The following COL6A3 variants were observed in gnomAD, a reference collection of about 807,000 sequenced individuals.
The protein encoded by COL6A3 is collagen type VI alpha 3 chain.
COL6A3 carries 137 observed loss-of-function variants against 274.1 expected under a neutral mutation model. That is an observed-to-expected ratio of 0.50 (90% CI 0.44 to 0.58). The LOEUF is 0.58. COL6A3 is among the 20% of genes least tolerant of loss of function. COL6A3 has a pLI of 0.00. For synonymous variants in COL6A3, 1,650 were observed against 1,650.6 expected, an observed-to-expected ratio of 1.00 and a Z score of 0.01; for missense variants, 3,950 against 4,124.9, an observed-to-expected ratio of 0.96 and a Z score of 1.16.
intron 42 of COL6A3, among the ~76,000 whole-genome samples, chr2:237,330,647 C>T (rs565126435): frequency 1.3e-5 from 2 of 152,262 alleles, no homozygotes; most frequent in African/African-American, 4.8e-5. Context: ...CGAGAGTCTC[C>T]CTGCCACATA....
rs770907851 is a variant in COL6A3, at chr2:237,361,819, C to T, written c.6076G>A (p.Glu2026Lys). The T allele has an allele frequency of 1.1e-5, 18 of 1,614,138 alleles. No individual in the cohort carries two copies. The highest frequency in any genetic ancestry group is 2.2e-5 in the East Asian group (1 of 44,872). The change falls in exon 15 of 44, where the codon GAG (glutamate) becomes AAG (lysine). Residue 2026 changes from glutamate (E) to lysine (K), a missense_variant. Around this residue, in one of 5 missense-constraint regions of COL6A3, gnomAD observed 632 missense variants for 623.4 expected, o/e 1.01. Coordinates refer to ENST00000295550, the MANE Select transcript of COL6A3 (RefSeq NM_004369.4). The surrounding 1 kb of genome is among the most constrained non-coding windows in gnomAD (Gnocchi z 5.1). ...ELAEQLDNIAEKACCGVPCKC... is the reference protein window; with the variant it reads ...ELAEQLDNIAKKACCGVPCKC... ...CAGGGAACCCCACAGCAAGCTTTCT[C>T]GGCAATGTTGTCCTACCGAAAGGAA... is the stretch of plus-strand genomic sequence containing the variant.
intron 7 of COL6A3, among the ~76,000 whole-genome samples, chr2:237,375,418 C>G (rs149719974): frequency 3.9e-5 from 6 of 152,226 alleles, no homozygotes. Flanking sequence ...TCCCTTAGAA[C>G]CTGCAGAAAG....
At chr2:237,399,390 GAGCATGTGGT>G (rs1162258452) in intron 1 of COL6A3, among the ~76,000 whole-genome samples, 1 of 152,174 alleles carries the variant, frequency 6.6e-6, no homozygotes, top group African/African-American at 2.4e-5. Context: ...CCTCTGTGAG[GAGCATGTGGT>G]AGCCTGTTTG....
At chr2:237,386,884 A>G (rs1441446329) in intron 4 of COL6A3, among the ~76,000 whole-genome samples, 1 of 152,124 alleles carries the variant, frequency 6.6e-6, no homozygotes, top group Non-Finnish European at 1.5e-5. Flanking sequence ...TGTTAAGTGC[A>G]TATTTGTTAT....
intron 43 of COL6A3, among the ~76,000 whole-genome samples, chr2:237,325,233 T>A (rs1699879186): frequency 6.6e-6 from 1 of 152,182 alleles, no homozygotes; most frequent in Non-Finnish European, 1.5e-5. Context: ...GATAAATTTG[T>A]GGGGGTTGTT....
At chr2:237,366,660 G>A (rs369923474) in intron 11 of COL6A3, 27 bp downstream of exon 11, 26 of 1,614,030 alleles carry the variant, frequency 1.6e-5, no homozygotes, top group Non-Finnish European at 2.1e-5. Flanking sequence ...AGGAAAGGAT[G>A]GAAAATATGC....
chr2:237,335,578 C>T (rs1700496605), intron 40 of COL6A3, among the ~76,000 whole-genome samples: 1 of 152,194 alleles, frequency 6.6e-6, no homozygotes, highest in Admixed American at 6.5e-5. Context: ...TCTGACTTTT[C>T]AAGCTGCTGG....
At position 237,336,237 on chromosome 2, in the gene COL6A3, G is replaced by C; in HGVS notation, c.8863C>G (p.Pro2955Ala). The change falls in exon 40 of 44, where the codon CCC (proline) becomes GCC (alanine). Residue 2955 changes from proline (P) to alanine (A), a missense_variant. Coordinates refer to ENST00000295550, the MANE Select transcript of COL6A3 (RefSeq NM_004369.4). ...VAAKPAAVRP[P>A]AAAAAKPVAT... is the part of the protein sequence containing the mutation. ...ACTGGTTTTGCAGCAGCAGCAGCGGGGGGTCTTACAGCTGCTGGCTTTGCT... is the reference window on the plus strand; with the variant it reads ...ACTGGTTTTGCAGCAGCAGCAGCGGCGGGTCTTACAGCTGCTGGCTTTGCT... 1 of 1,614,008 alleles carries C rather than the reference G, an allele frequency of 6.2e-7. No homozygotes were observed. The highest frequency in any genetic ancestry group is 8.5e-7 in the Non-Finnish European group (1 of 1,179,960).
intron 3 of COL6A3, among the ~76,000 whole-genome samples, chr2:237,390,952 T>C (rs1040258166): frequency 5.3e-5 from 8 of 152,168 alleles, no homozygotes; most frequent in African/African-American, 1.9e-4. Context: ...TAGAGATTGA[T>C]TATTTGAGTA....
chr2:237,390,658 C>A (rs1450182397), intron 3 of COL6A3, among the ~76,000 whole-genome samples: 2 of 152,240 alleles, frequency 1.3e-5, no homozygotes, highest in Non-Finnish European at 2.9e-5. Context: ...TCCCTGGAAG[C>A]TCTTTTCCCG....
Position 237,374,342 on chromosome 2 carries a change from T to C in COL6A3, c.3679+70A>G, listed in dbSNP as rs2077773203. Reference sequence around the variant, plus strand: ...GAAAAGCAAAATTGAGAACACCTTGTGGCCCACAGTCCAGACAAGTAGCCC... The same window carrying C: ...GAAAAGCAAAATTGAGAACACCTTGCGGCCCACAGTCCAGACAAGTAGCCC... On this transcript the variant is annotated intron_variant, in intron 8 of 43. Coordinates refer to ENST00000295550, the MANE Select transcript of COL6A3 (RefSeq NM_004369.4). The surrounding 1 kb of genome is among the most constrained non-coding windows in gnomAD (Gnocchi z 4.8). 14 of 1,595,536 alleles carry C rather than the reference T, an allele frequency of 8.8e-6. No individual in the cohort carries two copies. The highest frequency in any genetic ancestry group is 1.1e-5 in the South Asian group (1 of 90,162).
chr2:237,389,203 C>T (rs2078228367), intron 3 of COL6A3, among the ~76,000 whole-genome samples: 1 of 152,142 alleles, frequency 6.6e-6, no homozygotes, highest in African/African-American at 2.4e-5. Context: ...TATATAGCAG[C>T]CCTGAGGGAG....
Position 237,336,228 on chromosome 2 carries a change from C to T in COL6A3, c.8872G>A (p.Ala2958Thr), listed in dbSNP as rs1335450469. Residue 2958 changes from alanine to threonine, a missense_variant, in exon 40 of 44, where the codon GCT (alanine) becomes ACT (threonine). Physicochemically the swap from Ala to Thr is moderately conservative, Grantham distance 58. Around this residue, in one of 5 missense-constraint regions of COL6A3, gnomAD observed 1,284 missense variants for 1,349.7 expected, o/e 0.95. Transcript: ENST00000295550. ...KPAAVRPPAA[A>T]AAKPVATKPE... ...TTGGTCGCCACTGGTTTTGCAGCAG[C>T]AGCAGCGGGGGGTCTTACAGCTGCT... 6.2e-7 allele frequency: 1 copy of T among 1,614,010 alleles called. No individual in the cohort carries two copies.
chr2:237,376,981 T>G lies in COL6A3; in HGVS notation c.2861A>C (p.Asp954Ala). 6.2e-7 allele frequency: 1 copy of G among 1,614,128 alleles called. No individual in the cohort carries two copies. The part of the protein sequence containing the change: ...LVLLVAGRSS[D>A]RVDGPASNLK... Reference sequence around the variant, plus strand: ...GTTACTTGCTGGCCCATCCACACGGTCAGATGACCTTCCTGCGACCAGCAG... The same window carrying G: ...GTTACTTGCTGGCCCATCCACACGGGCAGATGACCTTCCTGCGACCAGCAG... Residue 954 changes from aspartate to alanine, a missense_variant, in exon 7 of 44, where the codon GAC (aspartate) becomes GCC (alanine). Around this residue, in one of 5 missense-constraint regions of COL6A3, gnomAD observed 1,934 missense variants for 1,984.3 expected, o/e 0.97. Coordinates refer to ENST00000295550, the MANE Select transcript of COL6A3 (RefSeq NM_004369.4).
chr2:237,376,548 A>G (rs1185645469), intron 7 of COL6A3, among the ~76,000 whole-genome samples: 5 of 152,228 alleles, frequency 3.3e-5, no homozygotes, highest in Non-Finnish European at 7.3e-5. Flanking sequence ...TAATGCCCTT[A>G]AAAATACTCA....
chr2:237,377,051 A>G lies in COL6A3; in HGVS notation c.2791T>C (p.Ser931Pro). 2 of 1,614,176 alleles carry G rather than the reference A, an allele frequency of 1.2e-6. No individual in the cohort carries two copies. The highest frequency in any genetic ancestry group is 1.6e-4 in the Middle Eastern group (1 of 6,062). ...CCATCCTCGATCCGGCTGCCAGCAG[A>G]CTTCACAAAAATGTACCTCTGTGCA... is the stretch of plus-strand genomic sequence containing the variant. ...DYAQRYIFVKSAGSRIEDGVL... is the reference protein window; with the variant it reads ...DYAQRYIFVKPAGSRIEDGVL... Residue 931 changes from serine to proline, a missense_variant, in exon 7 of 44, where the codon TCT (serine) becomes CCT (proline). This residue lies in a region of COL6A3 where 1,934 missense variants were observed against 1,984.3 expected (regional missense o/e 0.97). Transcript: ENST00000295550.
Position 237,371,952 on chromosome 2 carries a change from C to G in COL6A3, c.4065G>C (p.Pro1355=), listed in dbSNP as rs766856187. The change falls in exon 9 of 44, where the codon CCG becomes CCC. Residue 1355 remains proline (P), a synonymous_variant. Transcript: ENST00000295550. This position sits in a 1 kb window ranked among gnomAD's most constrained non-coding sequence, Gnocchi z 4.3. ...CGCCAAACTGCTTGAGCTCCACCGCCGGGTCGTCCACCTCATCGTCAGACT... is the reference window on the plus strand; with the variant it reads ...CGCCAAACTGCTTGAGCTCCACCGCGGGGTCGTCCACCTCATCGTCAGACT... ...SGKSDDEVDD[P]AVELKQFGVA... 3 of 1,614,114 alleles carry G rather than the reference C, an allele frequency of 1.9e-6. No homozygotes were observed. The South Asian group carries it at 3.3e-5, about 18-fold the overall frequency.
intron 27 of COL6A3, among the ~76,000 whole-genome samples, chr2:237,350,908 C>T (rs752982100): frequency 4.6e-5 from 7 of 152,206 alleles, no homozygotes; most frequent in Non-Finnish European, 1.0e-4. Context: ...AGCCAGCCCT[C>T]TGAGCAGAGA....
rs2078747762 is a variant in COL6A3 at position 237,407,387 on chromosome 2, G to T, written c.-31+6566C>A. On this transcript the variant is annotated intron_variant, in intron 1 of 43. Coordinates refer to ENST00000295550, the MANE Select transcript of COL6A3 (RefSeq NM_004369.4). This position sits in a 1 kb window ranked among gnomAD's most constrained non-coding sequence, Gnocchi z 4.3. ...TACGGGGGTCCTTGTTAGATATGGA[G>T]TAGCGGATTCGAGATCTTCAACTCT... Among the ~76,000 whole-genome samples the T allele has an allele frequency of 6.6e-6, 1 of 152,122 alleles. No individual in the cohort carries two copies. Among genetic ancestry groups the T allele is most frequent in the Admixed American group, 6.5e-5 (1 of 15,272 alleles).
Sources: gnomAD v4.1 joint callset for allele counts (sites outside exome capture counted in the v4.1 genomes callset) on GRCh38, gnomAD v4.1.1 for gene constraint, gnomAD v4.1.1 regional missense constraint, Gnocchi (gnomAD v3.1) non-coding constraint, MANE v1.5 for transcripts, NCBI Gene and HGNC (gene_info 2026-07-23, HGNC 2026-07-21) for gene names.